RBFOX1: variants seen among roughly 807,000 people sequenced by gnomAD.
The protein encoded by RBFOX1 is RNA binding fox-1 homolog 1.
RBFOX1 carries 8 observed loss-of-function variants against 57.7 expected under a neutral mutation model. That is an observed-to-expected ratio of 0.14 (90% CI 0.08 to 0.25). The LOEUF (loss-of-function observed/expected upper bound fraction) is 0.25. Among genes scored for constraint, RBFOX1 ranks in the 10% least tolerant of loss-of-function variants. The probability of loss-of-function intolerance (pLI) is 1.00; values close to 1 mark genes in which losing one functional copy is unlikely to be tolerated. For synonymous variants in RBFOX1, 326 were observed against 222.4 expected (o/e 1.47, Z -4.15); for missense variants, 611 against 548.5 (o/e 1.11, Z -1.14).
At chr16:7,038,812 G>T (rs1051381558) in intron 3 of RBFOX1, among the ~76,000 whole-genome samples, 3 of 152,130 alleles carry the variant, frequency 2.0e-5, no homozygotes, top group Non-Finnish European at 4.4e-5. Context: ...GTTGATAATG[G>T]GGTCTTTACC....
chr16:7,194,162 C>T (rs528100308), intron 4 of RBFOX1, among the ~76,000 whole-genome samples: 3 of 152,266 alleles, frequency 2.0e-5, no homozygotes, highest in East Asian at 3.9e-4. Flanking sequence ...GTGTCTTAAA[C>T]ATCTCTCTAA....
At chr16:7,196,101 T>A (rs12932045) in intron 4 of RBFOX1, among the ~76,000 whole-genome samples, 47,107 of 151,944 alleles carry the variant, frequency 0.31, 7,598 homozygotes, top group Non-Finnish European at 0.36. Flanking sequence ...GTTTGCTCTT[T>A]TCTCTTCATC....
chr16:7,396,494 T>A (rs1287234564), intron 4 of RBFOX1, among the ~76,000 whole-genome samples: 1 of 152,210 alleles, frequency 6.6e-6, no homozygotes, highest in Non-Finnish European at 1.5e-5. Context: ...TCCTGATTCA[T>A]AAGTGGATGC....
intron 2 of RBFOX1, among the ~76,000 whole-genome samples, chr16:6,603,238 C>T (rs547161924): frequency 2.0e-5 from 3 of 152,136 alleles, no homozygotes; most frequent in Non-Finnish European, 4.4e-5. Context: ...TATGGCAGAA[C>T]TCAGTCATCT....
At chr16:6,991,050 C>G (rs1266949226) in intron 3 of RBFOX1, among the ~76,000 whole-genome samples, 5 of 147,698 alleles carry the variant, frequency 3.4e-5, no homozygotes, top group Non-Finnish European at 7.4e-5. Context: ...ACCTGTAATT[C>G]CAGTACGTTG....
Position 7,117,835 on chromosome 16 carries a change from A to G in RBFOX1, c.27+65737A>G, listed in dbSNP as rs552220378. 9.9e-5 allele frequency among the ~76,000 whole-genome samples: 15 copies of G among 152,146 alleles called. 1 individual carries two copies. Among genetic ancestry groups the G allele is most frequent in the South Asian group, 4.1e-4 (2 of 4,834 alleles). The stretch of plus-strand genomic sequence containing the variant: ...TCATCTCGAACAGGATCTGCTTTCA[A>G]GCTCCCTCAGGTTGCTGGCAGGATT... On this transcript the variant is annotated intron_variant, in intron 4 of 15. Coordinates refer to ENST00000550418, the MANE Select transcript of RBFOX1 (RefSeq NM_018723.4).
Position 7,626,296 on chromosome 16 carries a change from C to T in RBFOX1, c.677-4307C>T, listed in dbSNP as rs539451890. Among the ~76,000 whole-genome samples the T allele has an allele frequency of 2.6e-5, 4 of 152,286 alleles. No homozygotes were observed. In the East Asian group the frequency reaches 7.7e-4, roughly 29 times the overall value. On this transcript the variant is annotated intron_variant, in intron 10 of 15. Coordinates refer to ENST00000550418, the MANE Select transcript of RBFOX1 (RefSeq NM_018723.4). ...AGGCTTGTGCCTGCCCCTTCAGGGG[C>T]CAGGAATGATCCCCTGCATGCCGTA...
Position 7,710,908 on chromosome 16 carries a change from A to AT in RBFOX1, c.*167dup. The AT allele has an allele frequency of 1.3e-6, 1 of 793,118 alleles. No individual in the cohort carries two copies. The highest frequency in any genetic ancestry group is 1.8e-6 in the Non-Finnish European group (1 of 570,608). The allele number at this position is 793,118 out of a possible 1,614,324, so 49.1% of individuals were successfully genotyped here. A position where few individuals can be genotyped will look rare whatever the true frequency, so the allele number is the denominator to read the frequency against. ...ACATTTTTTATCTTATACCTCAGATATTTTGTTCTGTGTATTTTAATATTG... is the reference window on the plus strand; with the variant it reads ...ACATTTTTTATCTTATACCTCAGATATTTTTGTTCTGTGTATTTTAATATTG... On this transcript the variant is annotated 3_prime_UTR_variant, in exon 16 of 16. Coordinates refer to ENST00000550418, the MANE Select transcript of RBFOX1 (RefSeq NM_018723.4).
At chr16:7,383,210 A>G (rs967903794) in intron 4 of RBFOX1, among the ~76,000 whole-genome samples, 2 of 151,988 alleles carry the variant, frequency 1.3e-5, no homozygotes, top group African/African-American at 2.4e-5. Context: ...GCATGCCTGT[A>G]TCAAAACATC....
intron 4 of RBFOX1, among the ~76,000 whole-genome samples, chr16:7,278,131 C>T (rs2095475726): frequency 6.6e-6 from 1 of 152,016 alleles, no homozygotes; most frequent in Non-Finnish European, 1.5e-5. Context: ...GCTTGGTTTC[C>T]AAAATTGTAA....
rs576497657 is a variant in RBFOX1, at chr16:6,952,113, A to G, written c.-15-99944A>G. ...CTGAAAACGATTGCTTTGTTCCTTC[A>G]TTTAATATTTCCCCACAAGTGCTTC... On this transcript the variant is annotated intron_variant, in intron 3 of 15. Transcript: ENST00000550418. Among the ~76,000 whole-genome samples, 71 of 152,260 alleles carry G rather than the reference A, an allele frequency of 4.7e-4. 1 individual carries two copies. The highest frequency in any genetic ancestry group is 1.6e-3 in the African/African-American group (67 of 41,550).
intron 4 of RBFOX1, among the ~76,000 whole-genome samples, chr16:7,441,804 C>G (rs952222412): frequency 2.6e-5 from 4 of 152,188 alleles, no homozygotes; most frequent in African/African-American, 9.6e-5. Context: ...AACACAGACC[C>G]TCTTACTCAG....
At chr16:5,444,987 C>T (rs1023012779) in intron 1 of RBFOX1, among the ~76,000 whole-genome samples, 4 of 152,142 alleles carry the variant, frequency 2.6e-5, no homozygotes, top group Non-Finnish European at 5.9e-5. Context: ...AAATCAACAC[C>T]CTGTCATCTT....
chr16:5,513,155 T>A (rs1453683682), intron 2 of RBFOX1, among the ~76,000 whole-genome samples: 1 of 152,178 alleles, frequency 6.6e-6, no homozygotes, highest in African/African-American at 2.4e-5. Context: ...GCTCAAGTGA[T>A]CTGGACTCAG....
intron 4 of RBFOX1, among the ~76,000 whole-genome samples, chr16:7,104,208 C>T (rs116736104): frequency 2.1e-3 from 322 of 152,224 alleles, no homozygotes; most frequent in African/African-American, 7.4e-3. Flanking sequence ...TGACTGCTGT[C>T]TGGAACTACT....
chr16:7,124,300 G>T (rs2067883194), intron 4 of RBFOX1, among the ~76,000 whole-genome samples: 1 of 151,994 alleles, frequency 6.6e-6, no homozygotes, highest in Admixed American at 6.6e-5. Context: ...TTTGGTTCTA[G>T]CTACTCAGGA....
intron 1 of RBFOX1, among the ~76,000 whole-genome samples, chr16:5,459,724 C>T (rs934754793): frequency 6.6e-6 from 1 of 152,166 alleles, no homozygotes; most frequent in Non-Finnish European, 1.5e-5. Context: ...CACATACACA[C>T]ATGCACGCAC....
chr16:5,565,348 G>A (rs1017143953), intron 2 of RBFOX1, among the ~76,000 whole-genome samples: 1 of 152,126 alleles, frequency 6.6e-6, no homozygotes, highest in Non-Finnish European at 1.5e-5. Flanking sequence ...AGTCATGGCC[G>A]GGCGCAGTGG....
intron 2 of RBFOX1, among the ~76,000 whole-genome samples, chr16:6,574,592 C>A (rs563745568): frequency 6.7e-6 from 1 of 150,312 alleles, no homozygotes. Context: ...CCAAGCCCAG[C>A]TAATTTTTTG....
Sources: gnomAD v4.1 joint callset for allele counts (sites outside exome capture counted in the v4.1 genomes callset) on GRCh38, gnomAD v4.1.1 for gene constraint, MANE v1.5 for transcripts, NCBI Gene and HGNC (gene_info 2026-07-23, HGNC 2026-07-21) for gene names.